The following RIMS2 variants were observed in gnomAD, a reference collection of about 807,000 sequenced individuals.
RIMS2 encodes the protein regulating synaptic membrane exocytosis 2.
Under a neutral mutation model 174.4 loss-of-function variants are expected in RIMS2, and 59 were observed. The observed-to-expected ratio is 0.34, with a 90% CI of 0.27 to 0.42. The LOEUF is 0.42. Ranked by LOEUF, RIMS2 falls within the 10% of genes least tolerant of loss-of-function variation. RIMS2 has a pLI of 1.00. For synonymous variants in RIMS2, 606 were observed against 572.5 expected (o/e 1.06, Z -0.84); for missense variants, 1,620 against 1,666.3 (o/e 0.97, Z 0.48).
chr8:104,175,811 G>A (rs1473378742), intron 19 of RIMS2, among the ~76,000 whole-genome samples: 2 of 152,098 alleles, frequency 1.3e-5, no homozygotes, highest in East Asian at 3.9e-4. Context: ...CACCAAACGG[G>A]CCCAGTAATC....
At chr8:104,143,647 C>T (rs985848743) in intron 19 of RIMS2, among the ~76,000 whole-genome samples, 1 of 152,162 alleles carries the variant, frequency 6.6e-6, no homozygotes, top group Non-Finnish European at 1.5e-5. Context: ...TGTCTTCAAA[C>T]TCTTGAACAG....
intron 3 of RIMS2, among the ~76,000 whole-genome samples, chr8:103,780,269 C>A (rs1237065185): frequency 6.6e-6 from 1 of 152,120 alleles, no homozygotes; most frequent in Non-Finnish European, 1.5e-5. Context: ...CCTTCCTCTA[C>A]CTGGATATTT....
At chr8:103,687,022 G>C (rs1454029992) in intron 1 of RIMS2, among the ~76,000 whole-genome samples, 1 of 152,100 alleles carries the variant, frequency 6.6e-6, no homozygotes, top group Non-Finnish European at 1.5e-5. Flanking sequence ...TGTAGAATTG[G>C]TATTATTTCT....
intron 17 of RIMS2, among the ~76,000 whole-genome samples, chr8:104,000,278 A>G (rs960810598): frequency 2.0e-5 from 3 of 151,820 alleles, no homozygotes; most frequent in Non-Finnish European, 4.4e-5. Context: ...TTTAGCTCCC[A>G]TATATGAGTG....
intron 1 of RIMS2, among the ~76,000 whole-genome samples, chr8:103,558,320 G>C (rs954590419): frequency 1.3e-5 from 2 of 152,066 alleles, no homozygotes; most frequent in African/African-American, 4.8e-5. Flanking sequence ...CTCCTGTGTT[G>C]TTCAAATGAT....
chr8:104,090,351 A>G (rs571952976), intron 19 of RIMS2, among the ~76,000 whole-genome samples: 141 of 151,768 alleles, frequency 9.3e-4, no homozygotes, highest in Non-Finnish European at 1.8e-3. Context: ...TAAACAAATT[A>G]AAGCCTTTAT....
chr8:103,743,846 A>G (rs562589759), intron 2 of RIMS2, among the ~76,000 whole-genome samples: 20 of 152,274 alleles, frequency 1.3e-4, no homozygotes, highest in African/African-American at 4.8e-4. Context: ...TTTTCTAAGA[A>G]TTACTTTAAG....
chr8:103,512,261 A>G (rs1586528924), intron 1 of RIMS2, among the ~76,000 whole-genome samples: 1 of 152,312 alleles, frequency 6.6e-6, no homozygotes, highest in African/African-American at 2.4e-5. Flanking sequence ...CATTTTGCCA[A>G]CTGCAAAGGA....
chr8:103,575,887 C>T (rs1430497664), intron 1 of RIMS2, among the ~76,000 whole-genome samples: 1 of 150,908 alleles, frequency 6.6e-6, no homozygotes, highest in Non-Finnish European at 1.5e-5. Context: ...ACTACAGTTT[C>T]TACACTGGAA....
intron 17 of RIMS2, among the ~76,000 whole-genome samples, chr8:104,002,443 C>T (rs777588101): frequency 1.3e-5 from 2 of 151,016 alleles, no homozygotes; most frequent in Non-Finnish European, 2.9e-5. Context: ...CTAGATTATC[C>T]AAATTTTTAC....
At chr8:104,188,556 A>G (rs1337426336) in intron 19 of RIMS2, among the ~76,000 whole-genome samples, 2 of 151,840 alleles carry the variant, frequency 1.3e-5, no homozygotes, top group East Asian at 1.9e-4. Context: ...AACTAGGTAT[A>G]TGCCCAATAT....
intron 4 of RIMS2, among the ~76,000 whole-genome samples, chr8:103,904,945 T>G (rs896744439): frequency 2.0e-5 from 3 of 152,070 alleles, no homozygotes; most frequent in Non-Finnish European, 4.4e-5. Flanking sequence ...TTAGGTAATA[T>G]ATTACATGTA....
intron 1 of RIMS2, among the ~76,000 whole-genome samples, chr8:103,696,786 C>G (rs1480241574): frequency 1.4e-5 from 2 of 142,198 alleles, no homozygotes; most frequent in Non-Finnish European, 3.0e-5. Flanking sequence ...TTGCTAGACC[C>G]TGGGAGGCAG....
At chr8:103,594,301 C>T (rs189397748) in intron 1 of RIMS2, among the ~76,000 whole-genome samples, 25 of 151,496 alleles carry the variant, frequency 1.7e-4, no homozygotes, top group Non-Finnish European at 3.3e-4. Context: ...TAAAATAGCC[C>T]CTAAGTGTAA....
intron 2 of RIMS2, among the ~76,000 whole-genome samples, chr8:103,738,941 C>T (rs2097723213): frequency 6.6e-6 from 1 of 152,140 alleles, no homozygotes; most frequent in South Asian, 2.1e-4. Flanking sequence ...GGACTGTAAA[C>T]TAGTTCAACC....
chr8:103,618,064 T>C (rs1000236640), intron 1 of RIMS2, among the ~76,000 whole-genome samples: 5 of 152,110 alleles, frequency 3.3e-5, no homozygotes, highest in African/African-American at 9.7e-5. Context: ...TTGTTCTCAA[T>C]GGCAAAGACC....
At chr8:103,827,845 T>TA (rs903419580) in intron 3 of RIMS2, among the ~76,000 whole-genome samples, 91 of 140,346 alleles carry the variant, frequency 6.5e-4, no homozygotes, top group African/African-American at 2.3e-3. Context: ...TCTCAAAAAA[T>TA]AAAAAAAAGA....
intron 3 of RIMS2, among the ~76,000 whole-genome samples, chr8:103,852,480 A>G (rs2099004386): frequency 6.6e-6 from 1 of 150,542 alleles, no homozygotes; most frequent in South Asian, 2.1e-4. Context: ...CAATTGCAGT[A>G]TATCTCAGTG....
At chr8:103,764,697 T>C (rs2098149490) in intron 2 of RIMS2, among the ~76,000 whole-genome samples, 1 of 152,282 alleles carries the variant, frequency 6.6e-6, no homozygotes, top group Non-Finnish European at 1.5e-5. Flanking sequence ...TTATGACTAA[T>C]TCTTTAGGAA....
Sources: allele counts gnomAD v4.1 joint callset (sites outside exome capture counted in the v4.1 genomes callset), GRCh38; gene constraint gnomAD v4.1.1; transcripts MANE v1.5; gene names NCBI Gene and HGNC (gene_info 2026-07-23, HGNC 2026-07-21).